The following TTN variants were observed in gnomAD, a reference collection of about 807,000 sequenced individuals.
TTN encodes the protein connectin.
Under a neutral mutation model 3,223.0 loss-of-function variants are expected in TTN, and 1,525 were observed. The observed-to-expected ratio is 0.47, with a 90% CI of 0.45 to 0.49. TTN has a LOEUF of 0.49. TTN is among the 20% of genes least tolerant of loss of function. The pLI, the probability that TTN is intolerant of heterozygous loss-of-function variation, is 0.00. For missense variants in TTN, 40,786 were observed against 43,424.0 expected, an observed-to-expected ratio of 0.94 and a Z score of 5.40; for synonymous variants, 14,094 against 15,161.0, an observed-to-expected ratio of 0.93 and a Z score of 5.17.
In TTN at chr2:178,675,909, G is replaced by T. The variant is rs74930148; in HGVS notation, c.34453+12C>A. 1.3e-3 allele frequency: 2,164 copies of T among 1,604,506 alleles called. 14 individuals are homozygous for T. In the East Asian group the frequency reaches 0.025, roughly 18 times the overall value. Reference sequence around the variant, plus strand: ...AAATGGCATAGTCTAATTTACTTCGGAATAGCAATACCTTTGGCAGGGGGA... The same window carrying T: ...AAATGGCATAGTCTAATTTACTTCGTAATAGCAATACCTTTGGCAGGGGGA... On this transcript the variant is annotated intron_variant, in intron 148 of 362. Transcript: ENST00000589042.
Position 178,729,748 on chromosome 2 carries a change from T to C in TTN, c.18505A>G (p.Arg6169Gly). The C allele has an allele frequency of 6.2e-7, 1 of 1,613,752 alleles. No individual in the cohort carries two copies. The highest frequency in any genetic ancestry group is 8.5e-7 in the Non-Finnish European group (1 of 1,179,720). ...GLATFQISGA[R>G]VENSGTYVCE... is the part of the protein sequence containing the mutation. ...ACATAAGTCCCACTATTTTCTACCC[T>C]GGCACCAGAAATCTGGAAAGTGGCT... Residue 6169 changes from arginine to glycine, a missense_variant, in exon 63 of 363, where the codon AGG (arginine) becomes GGG (glycine). By Grantham distance (125) the Arg-to-Gly change is moderately radical (BLOSUM62 -2). Transcript: ENST00000589042.
chr2:178,710,450 G>A (rs1009899486), intron 98 of TTN, among the ~76,000 whole-genome samples, 185 bp downstream of exon 98: 22 of 152,066 alleles, frequency 1.4e-4, no homozygotes, highest in African/African-American at 5.1e-4. Flanking sequence ...CTGTCTCGAG[G>A]AAAGAAAGAA....
In TTN at chr2:178,730,570, G is replaced by A. The variant is rs749765281; in HGVS notation, c.17963C>T (p.Thr5988Ile). 11 of 1,613,508 alleles carry A rather than the reference G, an allele frequency of 6.8e-6. No homozygotes were observed. In the Admixed American group the frequency reaches 1.3e-4, roughly 20 times the overall value. ...CTTATTTGTGGCAGAACAAGTGTATGTCCCACTGTCTGTACCTTCCAGCTG... is the reference window on the plus strand; with the variant it reads ...CTTATTTGTGGCAGAACAAGTGTATATCCCACTGTCTGTACCTTCCAGCTG... ...ISQLEGTDSG[T>I]YTCSATNKAG... The change falls in exon 61 of 363, where the codon ACA becomes ATA. Residue 5988 changes from threonine to isoleucine, a missense_variant. Coordinates refer to ENST00000589042, the MANE Select transcript of TTN (RefSeq NM_001267550.2).
In TTN at chr2:178,621,211, A is replaced by G. The variant is rs1227717741; in HGVS notation, c.45507T>C (p.Ala15169=). 13 of 1,612,270 alleles carry G rather than the reference A, an allele frequency of 8.1e-6. No homozygotes were observed. The highest frequency in any genetic ancestry group is 1.7e-6 in the Non-Finnish European group (2 of 1,179,134). The change falls in exon 246 of 363, where the codon GCT becomes GCC. Residue 15169 remains alanine (A), a synonymous_variant. Transcript: ENST00000589042. ...LESGDKYDVI[A]DGKKRVLVVK... ...CAACTAGGACCCTCTTTTTACCATCAGCAATAACGTCATATTTATCTCCAG... is the reference window on the plus strand; with the variant it reads ...CAACTAGGACCCTCTTTTTACCATCGGCAATAACGTCATATTTATCTCCAG...
Position 178,579,062 on chromosome 2 carries a change from G to A in TTN, c.67968C>T (p.Val22656=). 6.2e-7 allele frequency: 1 copy of A among 1,613,278 alleles called. No individual in the cohort carries two copies. Among genetic ancestry groups the A allele is most frequent in the Non-Finnish European group, 8.5e-7 (1 of 1,179,536 alleles). ...IPTGPIKFDE[V]TAEAMTLKWA... ...ACTTTAAGGTCATGGCTTCTGCTGTGACTTCATCAAATTTGATTGGTCCAG... is the reference window on the plus strand; with the variant it reads ...ACTTTAAGGTCATGGCTTCTGCTGTAACTTCATCAAATTTGATTGGTCCAG... Residue 22656 remains valine (V), a synonymous_variant, in exon 320 of 363, where the codon GTC becomes GTT. Coordinates refer to ENST00000589042, the MANE Select transcript of TTN (RefSeq NM_001267550.2).
chr2:178,723,900 T>G lies in TTN; in HGVS notation c.21359A>C (p.Asn7120Thr), dbSNP rs192344560. The change falls in exon 73 of 363, where the codon AAT (asparagine) becomes ACT (threonine). Residue 7120 changes from asparagine to threonine, a missense_variant. Transcript: ENST00000589042. ...ACGACATTCATCAGACCCAGCGACATTAGCAGCCACGCATGTGTAATTGCC... is the reference window on the plus strand; with the variant it reads ...ACGACATTCATCAGACCCAGCGACAGTAGCAGCCACGCATGTGTAATTGCC... Reference protein sequence around the residue: ...DMGNYTCVAANVAGSDECRAV... With the variant: ...DMGNYTCVAATVAGSDECRAV... 1.2e-6 allele frequency: 2 copies of G among 1,613,310 alleles called. No individual in the cohort carries two copies. Among genetic ancestry groups the G allele is most frequent in the East Asian group, 4.5e-5 (2 of 44,862 alleles).
Position 178,534,183 on chromosome 2 carries a change from A to C in TTN, c.102432T>G (p.His34144Gln). The change falls in exon 358 of 363, where the codon CAT becomes CAG. Residue 34144 changes from histidine to glutamine, a missense_variant. By Grantham distance (24) the His-to-Gln change is conservative. Coordinates refer to ENST00000589042, the MANE Select transcript of TTN (RefSeq NM_001267550.2). ...CATGTCCTCCTTCTTCACCAACTGC[A>C]TGCATTATCTGCCCAGAAACTGGGC... ...EIGPVSGQIM[H>Q]AVGEEGGHVK... is the part of the protein sequence containing the mutation. 2 of 1,613,918 alleles carry C rather than the reference A, an allele frequency of 1.2e-6. No homozygotes were observed. Among genetic ancestry groups the C allele is most frequent in the East Asian group, 2.2e-5 (1 of 44,876 alleles).
Position 178,604,269 on chromosome 2 carries a change from G to C in TTN, c.54418C>G (p.Arg18140Gly), listed in dbSNP as rs747236787. Residue 18140 changes from arginine (R) to glycine (G), a missense_variant, in exon 282 of 363, where the codon CGA becomes GGA. Arg to Gly is a moderately radical substitution (Grantham distance 125, BLOSUM62 -2). Coordinates refer to ENST00000589042, the MANE Select transcript of TTN (RefSeq NM_001267550.2). The part of the protein sequence containing the change: ...KLIPNGQYEF[R>G]VRAVNKYGIS... ...CCATATTTATTCACTGCCCTGACTC[G>C]GAACTCATACTGACCATTGGGGATA... 1 of 1,552,662 alleles carries C rather than the reference G, an allele frequency of 6.4e-7. No individual in the cohort carries two copies.
At position 178,677,797 on chromosome 2, in the gene TTN, G is replaced by A. The variant is rs1196239806; in HGVS notation, c.34115C>T (p.Pro11372Leu). 1 of 1,612,796 alleles carries A rather than the reference G, an allele frequency of 6.2e-7. No homozygotes were observed. Among genetic ancestry groups the A allele is most frequent in the Non-Finnish European group, 8.5e-7 (1 of 1,179,264 alleles). The change falls in exon 146 of 363, where the codon CCT becomes CTT. Residue 11372 changes from proline (P) to leucine (L), a missense_variant. By Grantham distance (98) the Pro-to-Leu change is moderately conservative. Transcript: ENST00000589042. ...TTCAGGTAGAACTTCCTCTTCCTCA[G>A]GTAGAACTTCCTCTTCCTCAGGTAG... Reference protein sequence around the residue: ...EVLPEEEEVLPEEEEVLPEEE... With the variant: ...EVLPEEEEVLLEEEEVLPEEE...
chr2:178,794,824 T>G (rs1640795177), intron 7 of TTN, 98 bp downstream of exon 7: 1 of 1,500,982 alleles, frequency 6.7e-7, no homozygotes, highest in Admixed American at 1.7e-5. Flanking sequence ...TTCATATGCA[T>G]TTTTCCTCCA....
rs1407254321 is a variant in TTN, at chr2:178,587,956, C to T, written c.63451G>A (p.Val21151Ile). ...AGCTCTGCAGGGCGCCCAATACCAA[C>T]TTGGTTTTGGGCACACACCCTGAAC... ...YEFRVCAQNQ[V>I]GIGRPAELKE... The change falls in exon 305 of 363, where the codon GTT becomes ATT. Residue 21151 changes from valine to isoleucine, a missense_variant. Val to Ile is a conservative substitution (Grantham distance 29). Coordinates refer to ENST00000589042, the MANE Select transcript of TTN (RefSeq NM_001267550.2). 1.2e-6 allele frequency: 2 copies of T among 1,610,782 alleles called. No homozygotes were observed.
chr2:178,691,162 A>C (rs2072313876), intron 121 of TTN, among the ~76,000 whole-genome samples: 1 of 152,202 alleles, frequency 6.6e-6, no homozygotes, highest in South Asian at 2.1e-4. Flanking sequence ...GAAACATTGC[A>C]AAGTCAGGCC....
Position 178,697,128 on chromosome 2 carries a change from T to C in TTN, c.30795A>G (p.Pro10265=). The C allele has an allele frequency of 6.4e-7, 1 of 1,551,746 alleles. No individual in the cohort carries two copies. Among genetic ancestry groups the C allele is most frequent in the South Asian group, 1.2e-5 (1 of 83,462 alleles). ...KKPPPPTTLI[P]AKAPEIIDVS... Reference sequence around the variant, plus strand: ...TAATTTATCTTTATTTACCTTTTGCTGGAATTAAGGTAGTAGGAGGTGGAG... The same window carrying C: ...TAATTTATCTTTATTTACCTTTTGCCGGAATTAAGGTAGTAGGAGGTGGAG... Residue 10265 remains proline (P), a synonymous_variant, in exon 113 of 363, where the codon CCA becomes CCG. Transcript: ENST00000589042.
Position 178,552,193 on chromosome 2 carries a change from T to C in TTN, c.90707A>G (p.Glu30236Gly). Residue 30236 changes from glutamate (E) to glycine (G), a missense_variant, in exon 335 of 363, where the codon GAA becomes GGA. Physicochemically the swap from Glu to Gly is moderately conservative, Grantham distance 98. Transcript: ENST00000589042. ...CAGGATGACACTATCAGCCTTGATTTCATCAAATCGAATGGGTCCTTTGGG... is the reference window on the plus strand; with the variant it reads ...CAGGATGACACTATCAGCCTTGATTCCATCAAATCGAATGGGTCCTTTGGG... ...SKPKGPIRFDEIKADSVILSW... is the reference protein window; with the variant it reads ...SKPKGPIRFDGIKADSVILSW... 1 of 1,613,694 alleles carries C rather than the reference T, an allele frequency of 6.2e-7. No homozygotes were observed. The highest frequency in any genetic ancestry group is 8.5e-7 in the Non-Finnish European group (1 of 1,179,738).
chr2:178,562,961 A>C lies in TTN; in HGVS notation c.83171T>G (p.Val27724Gly), dbSNP rs201896662. 539 of 1,613,546 alleles carry C rather than the reference A, an allele frequency of 3.3e-4. 3 individuals carry two copies. Among genetic ancestry groups the C allele is most frequent in the Middle Eastern group, 1.2e-3 (7 of 6,082 alleles). The change falls in exon 326 of 363, where the codon GTG becomes GGG. Residue 27724 changes from valine (V) to glycine (G), a missense_variant. Physicochemically the swap from Val to Gly is moderately radical, Grantham distance 109 (BLOSUM62 -3). Transcript: ENST00000589042. Reference sequence around the variant, plus strand: ...CACCAACATTGTAAATGAGCTGGTCACCTCTATCTGAGCCCTGTCAGTGAG... The same window carrying C: ...CACCAACATTGTAAATGAGCTGGTCCCCTCTATCTGAGCCCTGTCAGTGAG... ...GILTDRAQIE[V>G]TSSFTMLVID...
rs2154231659 is a variant in TTN, at chr2:178,636,783, A to C, written c.40944T>G (p.Thr13648=). The C allele has an allele frequency of 1.3e-6, 2 of 1,597,200 alleles. No individual in the cohort carries two copies. Among genetic ancestry groups the C allele is most frequent in the Non-Finnish European group, 8.5e-7 (1 of 1,171,014 alleles). ...TCCTTTCGGCTTCTATTGGTGAAGGAGTCTTTTTGGGTACACCTAATTCAA... is the reference window on the plus strand; with the variant it reads ...TCCTTTCGGCTTCTATTGGTGAAGGCGTCTTTTTGGGTACACCTAATTCAA... ...KGPIKGVPKK[T]PSPIEAERRK... Residue 13648 remains threonine, a synonymous_variant, in exon 225 of 363, where the codon ACT becomes ACG. Transcript: ENST00000589042. The surrounding 1 kb of genome is among the most constrained non-coding windows in gnomAD (Gnocchi z 4.3).
chr2:178,738,071 A>G lies in TTN; in HGVS notation c.14371+11T>C. 3 of 1,609,092 alleles carry G rather than the reference A, an allele frequency of 1.9e-6. No homozygotes were observed. The highest frequency in any genetic ancestry group is 2.6e-6 in the Non-Finnish European group (3 of 1,176,214). ...GAAGTGACAACATCTGTGCCAATGT[A>G]TGGCATTTACCTGTCACAGTTAGTG... On this transcript the variant is annotated intron_variant, in intron 49 of 362. Coordinates refer to ENST00000589042, the MANE Select transcript of TTN (RefSeq NM_001267550.2).
intron 41 of TTN, among the ~76,000 whole-genome samples, chr2:178,765,747 C>G (rs888976978): frequency 1.1e-4 from 16 of 152,150 alleles, no homozygotes; most frequent in African/African-American, 3.9e-4. Context: ...AGACTCAAAA[C>G]AAGGTCAGCT....
chr2:178,607,654 G>A lies in TTN; in HGVS notation c.53034C>T (p.Val17678=). The A allele has an allele frequency of 6.2e-7, 1 of 1,612,948 alleles. No homozygotes were observed. The highest frequency in any genetic ancestry group is 8.5e-7 in the Non-Finnish European group (1 of 1,179,360). The part of the protein sequence containing the change: ...EPPAVELDVS[V]KGGIQIMAGK... Reference sequence around the variant, plus strand: ...CAGCCATTATTTGTATTCCACCCTTGACAGAAACATCCAGTTCCACAGCTG... The same window carrying A: ...CAGCCATTATTTGTATTCCACCCTTAACAGAAACATCCAGTTCCACAGCTG... The change falls in exon 277 of 363, where the codon GTC becomes GTT. Residue 17678 remains valine (V), a synonymous_variant. Transcript: ENST00000589042.
Sources: gnomAD v4.1 joint callset for allele counts (sites outside exome capture counted in the v4.1 genomes callset) on GRCh38, gnomAD v4.1.1 for gene constraint, Gnocchi (gnomAD v3.1) non-coding constraint, MANE v1.5 for transcripts, NCBI Gene and HGNC (gene_info 2026-07-23, HGNC 2026-07-21) for gene names.